The following PICK1 variants were observed in gnomAD, a reference collection of about 807,000 sequenced individuals.
The protein encoded by PICK1 is protein interacting with PRKCA 1, also known as PRKCA-binding protein.
PICK1 carries 23 observed loss-of-function variants against 48.9 expected under a neutral mutation model. That is an observed-to-expected ratio of 0.47 (90% confidence interval 0.34 to 0.67). The LOEUF (loss-of-function observed/expected upper bound fraction) is 0.67. Among genes scored for constraint, PICK1 ranks in the 30% least tolerant of loss-of-function variants. The pLI is 0.01. For synonymous variants in PICK1, 217 were observed against 228.2 expected, an observed-to-expected ratio of 0.95 and a Z score of 0.44; for missense variants, 423 against 557.1, an observed-to-expected ratio of 0.76 and a Z score of 2.42.
rs1601960460 is a variant in PICK1 at position 38,074,100 on chromosome 22, G to A, written c.835-207G>A. ...AAGTGTTTGATTTTTCTGCTGTCGG[G>A]ATCCATTTCGTGGCCAGTGTTCATT... On this transcript the variant is annotated intron_variant, in intron 11 of 12. Coordinates refer to ENST00000356976, the MANE Select transcript of PICK1 (RefSeq NM_012407.4). This position sits in a 1 kb window ranked among gnomAD's most constrained non-coding sequence, Gnocchi z 4.5. 4 of 647,648 alleles carry A rather than the reference G, an allele frequency of 6.2e-6. No homozygotes were observed. Among genetic ancestry groups the A allele is most frequent in the Non-Finnish European group, 1.1e-5 (4 of 376,464 alleles). The allele number at this position is 647,648 out of a possible 1,614,324, so 40.1% of individuals were successfully genotyped here.
At chr22:38,067,890 A>G (rs2085570580) in intron 5 of PICK1, 120 bp downstream of exon 5, 1 of 851,284 alleles carries the variant, frequency 1.2e-6, no homozygotes, top group Non-Finnish European at 2.0e-6. Context: ...CCAGAGTTAC[A>G]TGGCTGTGGG....
At chr22:38,067,114 G>A (rs2085544857) in intron 4 of PICK1, among the ~76,000 whole-genome samples, 1 of 151,948 alleles carries the variant, frequency 6.6e-6, no homozygotes, top group South Asian at 2.1e-4. Flanking sequence ...GGGGAGGGAA[G>A]AAGGAGAGCC....
rs1034840098 is a variant in PICK1 at position 38,065,143 on chromosome 22, G to A, written c.282+13G>A. Reference sequence around the variant, plus strand: ...TCAGGAGGTGAAGGTAAGGGCTGCTGCAGAGCAGGTGTCCAGAGGCAGCAA... The same window carrying A: ...TCAGGAGGTGAAGGTAAGGGCTGCTACAGAGCAGGTGTCCAGAGGCAGCAA... On this transcript the variant is annotated intron_variant, in intron 4 of 12. Transcript: ENST00000356976. 6.2e-7 allele frequency: 1 copy of A among 1,612,350 alleles called. No individual in the cohort carries two copies. The highest frequency in any genetic ancestry group is 8.5e-7 in the Non-Finnish European group (1 of 1,179,104).
At chr22:38,069,515 C>T (rs541173483) in intron 6 of PICK1, among the ~76,000 whole-genome samples, 23 of 152,276 alleles carry the variant, frequency 1.5e-4, no homozygotes, top group South Asian at 1.2e-3. Flanking sequence ...GCTGCGCAGG[C>T]GAGGGGGGAG....
intron 7 of PICK1, among the ~76,000 whole-genome samples, chr22:38,071,412 C>T (rs1196114962): frequency 1.3e-5 from 2 of 152,216 alleles, no homozygotes; most frequent in Non-Finnish European, 1.5e-5. Flanking sequence ...GAGAGTCCCC[C>T]GGAATCCCAC....
intron 3 of PICK1, among the ~76,000 whole-genome samples, chr22:38,060,167 C>A (rs554908642): frequency 6.6e-6 from 1 of 152,148 alleles, no homozygotes; most frequent in Non-Finnish European, 1.5e-5. Context: ...GCTGAGATCA[C>A]GCCACTGCAT....
chr22:38,073,581 G>A lies in PICK1; in HGVS notation c.784-192G>A, dbSNP rs1042329749. On this transcript the variant is annotated intron_variant, in intron 10 of 12. Coordinates refer to ENST00000356976, the MANE Select transcript of PICK1 (RefSeq NM_012407.4). This position sits in a 1 kb window ranked among gnomAD's most constrained non-coding sequence, Gnocchi z 5.7. ...CCCCTTTTTCCCCAGAGCATCTCTT[G>A]GGCCTTGAGTTTGGTCAACTCGGCC... is the stretch of plus-strand genomic sequence containing the variant. 5.3e-5 allele frequency among the ~76,000 whole-genome samples: 8 copies of A among 152,114 alleles called. No individual in the cohort carries two copies. The highest frequency in any genetic ancestry group is 1.0e-4 in the Non-Finnish European group (7 of 68,014).
At chr22:38,057,670 T>TG in intron 1 of PICK1, 83 bp downstream of exon 1, 1 of 569,192 alleles carries the variant, frequency 1.8e-6, no homozygotes, top group Non-Finnish European at 3.0e-6. Flanking sequence ...CTGTCCCGTA[T>TG]GAGGTGGTGG....
At position 38,075,064 on chromosome 22, in the gene PICK1, G is replaced by A; in HGVS notation, c.1180G>A (p.Glu394Lys). Residue 394 changes from glutamate (E) to lysine (K), a missense_variant, in exon 13 of 13, where the codon GAG becomes AAG. This residue lies in a region of PICK1 where 144 missense variants were observed against 139.3 expected (regional missense o/e 1.03). Transcript: ENST00000356976. The part of the protein sequence containing the change: ...EEEEEDTAAG[E>K]PSRDTRGAAG... ...GGAGGAGGAAGACACGGCAGCTGGG[G>A]AGCCGTCCAGGGATACACGAGGGGC... The A allele has an allele frequency of 6.2e-7, 1 of 1,613,080 alleles. No individual in the cohort carries two copies. Among genetic ancestry groups the A allele is most frequent in the Non-Finnish European group, 8.5e-7 (1 of 1,180,010 alleles).
At position 38,074,432 on chromosome 22, in the gene PICK1, G is replaced by A. The variant is rs753718928; in HGVS notation, c.960G>A (p.Glu320=). ...GCAAGGATGTGCTGGAGAAGATGGA[G>A]CTGCTGGACCAGAAGCACGGTGAGC... ...QMRKDVLEKM[E]LLDQKHVQDI... is the part of the protein sequence containing the mutation. The change falls in exon 12 of 13, where the codon GAG becomes GAA. Residue 320 remains glutamate, a synonymous_variant. Transcript: ENST00000356976. The surrounding 1 kb of genome is among the most constrained non-coding windows in gnomAD (Gnocchi z 4.5). 5.6e-5 allele frequency: 91 copies of A among 1,613,088 alleles called. 1 individual carries two copies. The highest frequency in any genetic ancestry group is 8.5e-6 in the Non-Finnish European group (10 of 1,179,988).
At chr22:38,061,236 GA>G (rs1453714891) in intron 3 of PICK1, among the ~76,000 whole-genome samples, 2 of 152,050 alleles carry the variant, frequency 1.3e-5, no homozygotes, top group African/African-American at 2.4e-5. Flanking sequence ...AGCTACTTGG[GA>G]GGCTGAGACA....
At chr22:38,063,416 G>A (rs939769060) in intron 3 of PICK1, among the ~76,000 whole-genome samples, 2 of 151,774 alleles carry the variant, frequency 1.3e-5, no homozygotes, top group African/African-American at 4.8e-5. Context: ...TTACAGGTGC[G>A]CACCACCGTG....
Position 38,057,750 on chromosome 22 carries a change from C to T in PICK1, c.-57-3C>T. ...CCTATGCTCCTTTCTCTCCCGGATC[C>T]AGTTCCCCATTCCCCTACCGAGCTG... On this transcript the variant is annotated splice_polypyrimidine_tract_variant and splice_region_variant and intron_variant, in intron 1 of 12. Transcript: ENST00000356976. The T allele has an allele frequency of 6.8e-7, 1 of 1,479,756 alleles. No individual in the cohort carries two copies. The highest frequency in any genetic ancestry group is 1.7e-5 in the Admixed American group (1 of 59,802). The allele number at this position is 1,479,756 out of a possible 1,614,324, so 91.7% of individuals were successfully genotyped here.
At chr22:38,072,346 G>T in intron 8 of PICK1, 131 bp from the exon 9 acceptor site, 3 of 1,061,666 alleles carry the variant, frequency 2.8e-6, no homozygotes, top group Non-Finnish European at 2.7e-6. Context: ...CAGCTCTCTT[G>T]GAGGTGTAGC....
In PICK1 at chr22:38,057,785, C is replaced by G; in HGVS notation, c.-25C>G. 1 of 1,608,432 alleles carries G rather than the reference C, an allele frequency of 6.2e-7. No individual in the cohort carries two copies. The highest frequency in any genetic ancestry group is 8.5e-7 in the Non-Finnish European group (1 of 1,174,750). On this transcript the variant is annotated 5_prime_UTR_variant, in exon 2 of 13. Transcript: ENST00000356976. Reference sequence around the variant, plus strand: ...TTCCCCTACCGAGCTGGGCAGTTAGCCAGCCCACTCCAACTCTCGGAACCA... The same window carrying G: ...TTCCCCTACCGAGCTGGGCAGTTAGGCAGCCCACTCCAACTCTCGGAACCA...
At position 38,073,791 on chromosome 22, in the gene PICK1, A is replaced by G. The variant is rs1280502953; in HGVS notation, c.802A>G (p.Lys268Glu). 1 of 1,613,484 alleles carries G rather than the reference A, an allele frequency of 6.2e-7. No homozygotes were observed. Among genetic ancestry groups the G allele is most frequent in the Non-Finnish European group, 8.5e-7 (1 of 1,179,960 alleles). The part of the protein sequence containing the change: ...FEYLSYCLKV[K>E]EMDDEEYSCI... Reference sequence around the variant, plus strand: ...CACACAGTCGTACTGCCTGAAGGTGAAGGAGATGGATGACGAGGAATACAG... The same window carrying G: ...CACACAGTCGTACTGCCTGAAGGTGGAGGAGATGGATGACGAGGAATACAG... Residue 268 changes from lysine (K) to glutamate (E), a missense_variant, in exon 11 of 13, where the codon AAG (lysine) becomes GAG (glutamate). Lys to Glu is a moderately conservative substitution (Grantham distance 56). This residue lies in a region of PICK1 where 279 missense variants were observed against 417.8 expected (regional missense o/e 0.67). Transcript: ENST00000356976. This position sits in a 1 kb window ranked among gnomAD's most constrained non-coding sequence, Gnocchi z 5.7.
rs754226219 is a variant in PICK1 at position 38,072,446 on chromosome 22, GGGCAGCCTTCAA to G, written c.557-26_557-15del. On this transcript the variant is annotated intron_variant, in intron 8 of 12. Transcript: ENST00000356976. ...TGGCTTCTCTTAGGGGGCCAAGTAG[GGGCAGCCTTCAA>G]GGCAAACTTGTCCTGCAGCCTTTGG... is the stretch of plus-strand genomic sequence containing the variant. The G allele has an allele frequency of 6.2e-7, 1 of 1,606,870 alleles. No individual in the cohort carries two copies. Among genetic ancestry groups the G allele is most frequent in the Non-Finnish European group, 8.5e-7 (1 of 1,177,834 alleles).
chr22:38,063,385 C>T (rs990840464), intron 3 of PICK1, among the ~76,000 whole-genome samples: 1 of 151,962 alleles, frequency 6.6e-6, no homozygotes, highest in Non-Finnish European at 1.5e-5. Flanking sequence ...CTTCCCACCT[C>T]GGTTTCCCAA....
chr22:38,067,806 C>T (rs1164502402), intron 5 of PICK1, 36 bp downstream of exon 5: 6 of 1,573,292 alleles, frequency 3.8e-6, no homozygotes, highest in South Asian at 1.1e-5. Context: ...TGTCCAGCAG[C>T]CTCCCTGGAT....
Sources: gnomAD v4.1 joint callset for allele counts (sites outside exome capture counted in the v4.1 genomes callset) on GRCh38, gnomAD v4.1.1 for gene constraint, gnomAD v4.1.1 regional missense constraint, Gnocchi (gnomAD v3.1) non-coding constraint, MANE v1.5 for transcripts, NCBI Gene and HGNC (gene_info 2026-07-23, HGNC 2026-07-21) for gene names.